The following EXD3 variants were observed in gnomAD, a reference collection of about 807,000 sequenced individuals.
EXD3 encodes exonuclease mut-7 homolog.
In EXD3, 92 loss-of-function variants were observed where a neutral mutation model predicts 98.0. That is an observed-to-expected ratio of 0.94 (90% CI 0.79 to 1.12). EXD3 has a LOEUF of 1.12. Ranked by LOEUF, EXD3 falls within the 50% of genes most tolerant of loss-of-function variation. The pLI, the probability that EXD3 is intolerant of heterozygous loss-of-function variation, is 0.00. For missense variants in EXD3, 1,222 were observed against 1,191.6 expected (o/e 1.03, Z -0.38); for synonymous variants, 569 against 526.0 (o/e 1.08, Z -1.12).
chr9:137,343,177 A>G (rs796789460), intron 17 of EXD3: 11 of 152,262 alleles, frequency 7.2e-5, no homozygotes, highest in South Asian at 2.1e-4. Flanking sequence ...ATGAAATGTA[A>G]TTTTACATGG....
At chr9:137,312,700 T>A (rs1453965702) in intron 19 of EXD3, among the ~76,000 whole-genome samples, 1 of 152,012 alleles carries the variant, frequency 6.6e-6, no homozygotes, top group African/African-American at 2.4e-5. Context: ...CAAGATGTGT[T>A]AGGGTGGGGT....
intron 1 of EXD3, among the ~76,000 whole-genome samples, chr9:137,410,753 A>G (rs1247114096): frequency 7.2e-5 from 11 of 152,050 alleles, no homozygotes; most frequent in Non-Finnish European, 1.5e-4. Flanking sequence ...CCCACGGGGG[A>G]CGTGCCTGAC....
chr9:137,330,283 C>T (rs1412748547), intron 17 of EXD3, among the ~76,000 whole-genome samples: 1 of 128,544 alleles, frequency 7.8e-6, no homozygotes, highest in Non-Finnish European at 1.6e-5. Context: ...AGGAACTACA[C>T]AGGAACTACA....
intron 3 of EXD3, chr9:137,374,939 T>A: frequency 1.2e-6 from 1 of 810,886 alleles, no homozygotes; most frequent in Non-Finnish European, 1.5e-6. Context: ...TAGTGAGTTC[T>A]AGCCCTAATG....
chr9:137,415,859 A>G (rs57870587), intron 1 of EXD3, among the ~76,000 whole-genome samples: 2,792 of 152,344 alleles, frequency 0.018, 75 homozygotes, highest in African/African-American at 0.063. Flanking sequence ...TTCACAGAGC[A>G]GCATAAAGTC....
chr9:137,397,848 C>A (rs961116510), intron 1 of EXD3, among the ~76,000 whole-genome samples: 1 of 152,082 alleles, frequency 6.6e-6, no homozygotes, highest in African/African-American at 2.4e-5. Flanking sequence ...CAAGCGGAGG[C>A]AGAAGAGTCG....
At chr9:137,369,082 G>A (rs573860302) in intron 5 of EXD3, among the ~76,000 whole-genome samples, 55 of 143,682 alleles carry the variant, frequency 3.8e-4, no homozygotes, top group African/African-American at 1.3e-3. Context: ...TCTCAGGGCC[G>A]TGGGGAGGGG....
At chr9:137,312,233 C>T (rs1400519225) in intron 19 of EXD3, among the ~76,000 whole-genome samples, 1 of 152,164 alleles carries the variant, frequency 6.6e-6, no homozygotes, top group Non-Finnish European at 1.5e-5. Flanking sequence ...CCACCCCACC[C>T]CCTCCAGTCT....
intron 1 of EXD3, among the ~76,000 whole-genome samples, chr9:137,419,888 G>C (rs201717374): frequency 6.6e-6 from 1 of 152,088 alleles, no homozygotes; most frequent in African/African-American, 2.4e-5. Flanking sequence ...GGCCGGGCGC[G>C]GTGGCTCATG....
At chr9:137,330,760 A>G (rs567327845) in intron 17 of EXD3, among the ~76,000 whole-genome samples, 1 of 152,198 alleles carries the variant, frequency 6.6e-6, no homozygotes, top group Non-Finnish European at 1.5e-5. Flanking sequence ...CTTTCAAGAA[A>G]GAGGAAACAG....
intron 2 of EXD3, among the ~76,000 whole-genome samples, chr9:137,388,346 C>T (rs1050924646): frequency 2.0e-5 from 3 of 152,070 alleles, no homozygotes; most frequent in Admixed American, 6.6e-5. Flanking sequence ...ACCCCCGCGC[C>T]GGCCGACGGG....
rs911859956 is a variant in EXD3 at position 137,385,225 on chromosome 9, A to G, written c.56-1848T>C. Among the ~76,000 whole-genome samples the G allele has an allele frequency of 1.8e-4, 28 of 152,304 alleles. No individual in the cohort carries two copies. The highest frequency in any genetic ancestry group is 5.5e-4 in the African/African-American group (23 of 41,582). ...TCAGAACCGTCCCACCATCGTGCACAGTGTGCTGCATACAGAGGCTGAGAA... is the reference window on the plus strand; with the variant it reads ...TCAGAACCGTCCCACCATCGTGCACGGTGTGCTGCATACAGAGGCTGAGAA... On this transcript the variant is annotated intron_variant, in intron 2 of 21. Transcript: ENST00000340951. The surrounding 1 kb of genome is among the most constrained non-coding windows in gnomAD (Gnocchi z 4.4).
intron 7 of EXD3, among the ~76,000 whole-genome samples, chr9:137,358,149 T>G (rs1834885276): frequency 6.6e-6 from 1 of 152,126 alleles, no homozygotes; most frequent in Non-Finnish European, 1.5e-5. Flanking sequence ...ACCATCCCAG[T>G]GTGTTAGTGT....
At chr9:137,357,892 C>T (rs1313327726) in intron 7 of EXD3, among the ~76,000 whole-genome samples, 2 of 151,952 alleles carry the variant, frequency 1.3e-5, no homozygotes, top group African/African-American at 2.4e-5. Flanking sequence ...GGGCAGGAGA[C>T]GTCCAGCATG....
In EXD3 at chr9:137,354,758, G is replaced by A. The variant is rs554376648; in HGVS notation, c.773C>T (p.Ala258Val). 133 of 1,610,218 alleles carry A rather than the reference G, an allele frequency of 8.3e-5. 1 individual carries two copies. Among genetic ancestry groups the A allele is most frequent in the Non-Finnish European group, 1.0e-4 (118 of 1,179,558 alleles). Reference protein sequence around the residue: ...YGVAPALCPNAAIQQRLAALR... With the variant: ...YGVAPALCPNVAIQQRLAALR... ...GGCCGCCAGGCGCTGCTGAATGGCC[G>A]CGTTGGGACACAGCGCTGAAAGGAA... Residue 258 changes from alanine (A) to valine (V), a missense_variant, in exon 9 of 22, where the codon GCG becomes GTG. Ala to Val is a moderately conservative substitution (Grantham distance 64, BLOSUM62 0). Coordinates refer to ENST00000340951, the MANE Select transcript of EXD3 (RefSeq NM_017820.5).
At chr9:137,389,206 G>T (rs1390402274) in intron 2 of EXD3, among the ~76,000 whole-genome samples, 1 of 152,298 alleles carries the variant, frequency 6.6e-6, no homozygotes, top group South Asian at 2.1e-4. Context: ...ACGTGATAAG[G>T]ACAGAGGCGG....
rs1219003722 is a variant in EXD3, at chr9:137,356,211, G to A, written c.757+57C>T. ...GCCCCAGTCACAGAGGATGTCCCTG[G>A]CCACGCTTGGCGGCTCTCCCTGGCC... On this transcript the variant is annotated intron_variant, in intron 8 of 21. Coordinates refer to ENST00000340951, the MANE Select transcript of EXD3 (RefSeq NM_017820.5). 4.5e-6 allele frequency: 6 copies of A among 1,327,098 alleles called. No homozygotes were observed. The African/African-American group carries it at 8.7e-5, about 19-fold the overall frequency. The allele number at this position is 1,327,098 out of a possible 1,614,324, so 82.2% of individuals were successfully genotyped here.
At position 137,393,255 on chromosome 9, in the gene EXD3, T is replaced by A. The variant is rs770910650; in HGVS notation, c.55+2048A>T. The A allele has an allele frequency of 2.8e-6, 2 of 702,266 alleles. No homozygotes were observed. The highest frequency in any genetic ancestry group is 1.7e-5 in the African/African-American group (1 of 57,224). 43.5% of individuals were successfully genotyped at this position (702,266 alleles called of 1,614,324 possible). A position where few individuals can be genotyped will look rare whatever the true frequency, so the allele number is the denominator to read the frequency against. On this transcript the variant is annotated intron_variant, in intron 2 of 21. Transcript: ENST00000340951. The surrounding 1 kb of genome is among the most constrained non-coding windows in gnomAD (Gnocchi z 4.6). ...GGGTGCCTGTGCAGGGAGAGTCAGC[T>A]CTGTGCTGAGGCGAACCCAGGGTCC...
chr9:137,325,057 C>G (rs1215888454), intron 17 of EXD3, among the ~76,000 whole-genome samples: 1 of 152,138 alleles, frequency 6.6e-6, no homozygotes, highest in Non-Finnish European at 1.5e-5. Flanking sequence ...GTATGAATTT[C>G]TGATGTATGT....
Sources: gnomAD v4.1 joint callset for allele counts (sites outside exome capture counted in the v4.1 genomes callset) on GRCh38, gnomAD v4.1.1 for gene constraint, Gnocchi (gnomAD v3.1) non-coding constraint, MANE v1.5 for transcripts, NCBI Gene and HGNC (gene_info 2026-07-23, HGNC 2026-07-21) for gene names.